The following SLC38A6 variants were observed in gnomAD, a reference collection of about 807,000 sequenced individuals.
SLC38A6 encodes the protein solute carrier family 38 member 6, also known as N system amino acid transporter NAT-1.
Under a neutral mutation model 65.0 loss-of-function variants are expected in SLC38A6, and 73 were observed. The observed-to-expected ratio is 1.12, with a 90% CI of 0.93 to 1.37. SLC38A6 has a LOEUF of 1.37. Among genes scored for constraint, SLC38A6 ranks in the 40% most tolerant of loss-of-function variants. The probability of loss-of-function intolerance (pLI) is 0.00; values close to 1 mark genes in which losing one functional copy is unlikely to be tolerated. For synonymous variants in SLC38A6, 183 were observed against 178.8 expected, an observed-to-expected ratio of 1.02 and a Z score of -0.19; for missense variants, 561 against 531.1, an observed-to-expected ratio of 1.06 and a Z score of -0.55.
intron 3 of SLC38A6, among the ~76,000 whole-genome samples, chr14:61,014,407 C>G (rs189770167): frequency 6.6e-6 from 1 of 152,340 alleles, no homozygotes; most frequent in East Asian, 1.9e-4. Context: ...CTCCATCCAG[C>G]TTTGTTCCAT....
intron 4 of SLC38A6, among the ~76,000 whole-genome samples, chr14:61,019,244 T>A (rs1017490699): frequency 4.6e-5 from 7 of 152,192 alleles, no homozygotes; most frequent in Non-Finnish European, 7.3e-5. Flanking sequence ...ACACTTTTAA[T>A]TTTTATACTT....
intron 3 of SLC38A6, among the ~76,000 whole-genome samples, chr14:61,012,350 AT>A (rs1374216081): frequency 1.3e-5 from 2 of 148,222 alleles, no homozygotes; most frequent in African/African-American, 4.9e-5. Flanking sequence ...GGATTCATTG[AT>A]TTTTTTGCAG....
chr14:61,043,437 T>C lies in SLC38A6; in HGVS notation c.691-13T>C. ...TGTTGGTTTCTCTTTTTCCCCTCAA[T>C]GCTCTTAAACAGATTTCAAATGTTA... On this transcript the variant is annotated splice_polypyrimidine_tract_variant and intron_variant, in intron 9 of 15. Coordinates refer to ENST00000267488, the MANE Select transcript of SLC38A6 (RefSeq NM_153811.3). The C allele has an allele frequency of 6.3e-7, 1 of 1,591,254 alleles. No homozygotes were observed. Among genetic ancestry groups the C allele is most frequent in the Non-Finnish European group, 8.5e-7 (1 of 1,170,728 alleles).
At chr14:61,049,199 T>C (rs757329519) in intron 12 of SLC38A6, among the ~76,000 whole-genome samples, 11 of 152,182 alleles carry the variant, frequency 7.2e-5, no homozygotes, top group Non-Finnish European at 1.6e-4. Flanking sequence ...AAGTCATTAT[T>C]GCATTTCTGT....
intron 15 of SLC38A6, among the ~76,000 whole-genome samples, chr14:61,063,420 C>G (rs1186864112): frequency 2.0e-5 from 3 of 152,128 alleles, no homozygotes; most frequent in African/African-American, 7.2e-5. Context: ...TTGATCATTT[C>G]TATAATATTT....
chr14:61,052,412 G>T lies in SLC38A6; in HGVS notation c.1354G>T (p.Asp452Tyr). The T allele has an allele frequency of 6.4e-7, 1 of 1,567,458 alleles. No individual in the cohort carries two copies. Among genetic ancestry groups the T allele is most frequent in the Non-Finnish European group, 8.6e-7 (1 of 1,159,906 alleles). The change falls in exon 16 of 16, where the codon GAT becomes TAT. Residue 452 changes from aspartate (D) to tyrosine (Y), a missense_variant. Transcript: ENST00000267488. ...TTTTAGTTTAGCACTCATCATTTTT[G>T]ATTGGATTAATAAATAAAAGAAATA... is the stretch of plus-strand genomic sequence containing the variant. ...GNFSLALIIF[D>Y]WINK
At chr14:61,062,884 G>C (rs1950524329) in intron 15 of SLC38A6, among the ~76,000 whole-genome samples, 1 of 152,134 alleles carries the variant, frequency 6.6e-6, no homozygotes, top group South Asian at 2.1e-4. Flanking sequence ...TCGCCATGTT[G>C]GCCAGGCTGG....
intron 6 of SLC38A6, among the ~76,000 whole-genome samples, chr14:61,032,744 A>G (rs1234508362): frequency 2.0e-5 from 3 of 151,894 alleles, no homozygotes; most frequent in Non-Finnish European, 2.9e-5. Context: ...GTAAGAAACA[A>G]AATATGATAA....
intron 8 of SLC38A6, among the ~76,000 whole-genome samples, 161 bp from the exon 9 acceptor site, chr14:61,042,986 C>T (rs1183493551): frequency 6.6e-6 from 1 of 152,176 alleles, no homozygotes; most frequent in Non-Finnish European, 1.5e-5. Context: ...CACAGGTGAC[C>T]ATGTTAAATG....
intron 3 of SLC38A6, among the ~76,000 whole-genome samples, chr14:61,010,091 G>A (rs1265103436): frequency 6.6e-6 from 1 of 152,182 alleles, no homozygotes; most frequent in African/African-American, 2.4e-5. Context: ...GTGTGAGATG[G>A]TATCTCACTG....
intron 3 of SLC38A6, among the ~76,000 whole-genome samples, chr14:60,988,930 C>T (rs577189172): frequency 3.3e-5 from 5 of 152,208 alleles, no homozygotes; most frequent in East Asian, 1.9e-4. Flanking sequence ...TATAATTCAA[C>T]GTCTAGTGTA....
intron 4 of SLC38A6, among the ~76,000 whole-genome samples, chr14:61,019,240 T>C (rs1008737930): frequency 2.6e-5 from 4 of 152,190 alleles, no homozygotes; most frequent in African/African-American, 7.2e-5. Context: ...TCCCACACTT[T>C]TAATTTTTAT....
At chr14:61,082,717 T>A (rs545191725) in intron 16 of SLC38A6, among the ~76,000 whole-genome samples, 41 of 152,100 alleles carry the variant, frequency 2.7e-4, no homozygotes, top group Non-Finnish European at 4.9e-4. Flanking sequence ...TCAAGGCCCT[T>A]TCTAGTCACC....
intron 10 of SLC38A6, among the ~76,000 whole-genome samples, chr14:61,045,031 T>C (rs2042051159): frequency 6.6e-6 from 1 of 152,152 alleles, no homozygotes; most frequent in Non-Finnish European, 1.5e-5. Context: ...TTAAATATTA[T>C]TTATCTTATG....
intron 15 of SLC38A6, among the ~76,000 whole-genome samples, chr14:61,070,098 G>C (rs1031558646): frequency 6.6e-6 from 1 of 152,126 alleles, no homozygotes; most frequent in African/African-American, 2.4e-5. Context: ...TAACAAACTT[G>C]TAAGTGTACG....
chr14:61,012,749 C>T (rs866460521), intron 3 of SLC38A6, among the ~76,000 whole-genome samples: 2 of 152,002 alleles, frequency 1.3e-5, no homozygotes, highest in African/African-American at 2.4e-5. Context: ...GTCTGAGAGA[C>T]AGTTTGTTAT....
chr14:61,041,436 G>T (rs1369692447), intron 8 of SLC38A6, among the ~76,000 whole-genome samples: 1 of 152,034 alleles, frequency 6.6e-6, no homozygotes, highest in African/African-American at 2.4e-5. Context: ...TGATAATATT[G>T]CACTTTGGAG....
chr14:61,048,711 G>A (rs192115911), intron 12 of SLC38A6, among the ~76,000 whole-genome samples: 1 of 152,264 alleles, frequency 6.6e-6, no homozygotes, highest in Admixed American at 6.5e-5. Flanking sequence ...GGGACTTATA[G>A]GTATGTACCT....
intron 3 of SLC38A6, among the ~76,000 whole-genome samples, chr14:60,990,924 C>A (rs1184768098): frequency 6.6e-6 from 1 of 152,156 alleles, no homozygotes. Flanking sequence ...TCAAGCAATC[C>A]TCCTGCCTTG....
Sources: allele counts gnomAD v4.1 joint callset (sites outside exome capture counted in the v4.1 genomes callset), GRCh38; gene constraint gnomAD v4.1.1; transcripts MANE v1.5; gene names NCBI Gene and HGNC (gene_info 2026-07-23, HGNC 2026-07-21).